The following UBR3 variants were observed in gnomAD, a reference collection of about 807,000 sequenced individuals.
The protein encoded by UBR3 is E3 ubiquitin-protein ligase UBR3.
Under a neutral mutation model 243.2 loss-of-function variants are expected in UBR3, and 85 were observed. The observed-to-expected ratio is 0.35, with a 90% CI of 0.29 to 0.42. The LOEUF (loss-of-function observed/expected upper bound fraction) is 0.42, where lower values mean the gene tolerates loss of function less well. Among genes scored for constraint, UBR3 ranks in the 10% least tolerant of loss-of-function variants. The pLI is 1.00. For missense variants in UBR3, 1,686 were observed against 2,300.8 expected, an observed-to-expected ratio of 0.73 and a Z score of 5.47; for synonymous variants, 748 against 799.8, an observed-to-expected ratio of 0.94 and a Z score of 1.09.
chr2:170,026,603 A>G (rs766082633), intron 30 of UBR3, among the ~76,000 whole-genome samples: 4 of 152,152 alleles, frequency 2.6e-5, no homozygotes, highest in Non-Finnish European at 4.4e-5. Context: ...TGCTTCCTAT[A>G]CATAGATTGA....
intron 33 of UBR3, among the ~76,000 whole-genome samples, chr2:170,056,888 C>T (rs936146994): frequency 1.3e-5 from 2 of 152,130 alleles, no homozygotes; most frequent in Non-Finnish European, 2.9e-5. Flanking sequence ...CAATCTCCTG[C>T]TACTAAATAG....
At chr2:170,071,250 C>G (rs1315046762) in intron 35 of UBR3, among the ~76,000 whole-genome samples, 1 of 152,156 alleles carries the variant, frequency 6.6e-6, no homozygotes, top group East Asian at 1.9e-4. Context: ...AAACATATGT[C>G]TACATTTAGA....
At chr2:170,023,759 A>G (rs927156024) in intron 30 of UBR3, among the ~76,000 whole-genome samples, 5 of 152,042 alleles carry the variant, frequency 3.3e-5, no homozygotes, top group Admixed American at 2.6e-4. Context: ...CACCTGGCTA[A>G]TTTTTGTATT....
chr2:169,942,562 T>C lies in UBR3; in HGVS notation c.2733T>C (p.Pro911=), dbSNP rs2086634608. The C allele has an allele frequency of 1.3e-6, 2 of 1,550,608 alleles. No individual in the cohort carries two copies. The highest frequency in any genetic ancestry group is 1.7e-6 in the Non-Finnish European group (2 of 1,146,722). Residue 911 remains proline (P), a synonymous_variant, in exon 20 of 39, where the codon CCT becomes CCC. Transcript: ENST00000272793. ...ATAAGAAAAGGACATCACTCCATCC[T>C]AGCTATAAAGGTCTTATGAGACTTT... ...PPYKKRTSLH[P]SYKGLMRLLH...
intron 22 of UBR3, 156 bp from the exon 23 acceptor site, chr2:169,949,449 A>T: frequency 1.6e-6 from 1 of 638,612 alleles, no homozygotes; most frequent in Non-Finnish European, 2.5e-6. Flanking sequence ...TTTGAGAGAG[A>T]GGTCAAGGGA....
At chr2:169,848,120 G>A (rs1219642175) in intron 1 of UBR3, among the ~76,000 whole-genome samples, 2 of 152,110 alleles carry the variant, frequency 1.3e-5, no homozygotes, top group East Asian at 1.9e-4. Context: ...ATATCATCAC[G>A]TCACTTGCTT....
intron 5 of UBR3, among the ~76,000 whole-genome samples, chr2:169,890,269 T>C (rs2084276637): frequency 6.6e-6 from 1 of 152,084 alleles, no homozygotes; most frequent in African/African-American, 2.4e-5. Context: ...AGAGGCGGGC[T>C]GCCTTCTTTG....
At chr2:169,938,274 CTTTT>C (rs113623124) in intron 19 of UBR3, among the ~76,000 whole-genome samples, 1 of 141,900 alleles carries the variant, frequency 7.0e-6, no homozygotes. Flanking sequence ...TTTCTTTCTC[CTTTT>C]TTTTTTTTTT....
chr2:169,859,704 A>C (rs1574065386), intron 1 of UBR3, among the ~76,000 whole-genome samples: 1 of 137,312 alleles, frequency 7.3e-6, no homozygotes, highest in Admixed American at 7.1e-5. Flanking sequence ...TATTTTATTT[A>C]TTTATTTATT....
At chr2:169,942,075 T>C (rs1453956298) in intron 19 of UBR3, among the ~76,000 whole-genome samples, 1 of 152,214 alleles carries the variant, frequency 6.6e-6, no homozygotes, top group Non-Finnish European at 1.5e-5. Flanking sequence ...AATTCCACTT[T>C]TGTGTGAGCT....
chr2:170,039,277 G>A (rs1197670077), intron 31 of UBR3, among the ~76,000 whole-genome samples: 1 of 152,112 alleles, frequency 6.6e-6, no homozygotes, highest in Non-Finnish European at 1.5e-5. Context: ...GGGTCTGTAA[G>A]ATAAGGATTT....
chr2:169,933,097 A>G, intron 19 of UBR3, 89 bp downstream of exon 19: 3 of 815,302 alleles, frequency 3.7e-6, no homozygotes, highest in Non-Finnish European at 5.6e-6. Flanking sequence ...ATATGCTCTC[A>G]TTAAAGTATA....
chr2:169,898,695 G>T (rs1454514106), intron 8 of UBR3, among the ~76,000 whole-genome samples: 5 of 138,104 alleles, frequency 3.6e-5, no homozygotes, highest in East Asian at 2.1e-4. Flanking sequence ...TAAAGATGGA[G>T]TTTCACTCTT....
intron 31 of UBR3, among the ~76,000 whole-genome samples, chr2:170,035,910 T>TTGGC (rs71006065): frequency 8.3e-5 from 10 of 120,438 alleles, no homozygotes; most frequent in South Asian, 3.2e-4. Flanking sequence ...AGTATTTTAT[T>TTGGC]GGGGGGGGGG....
At chr2:169,916,180 T>C (rs900873289) in intron 11 of UBR3, among the ~76,000 whole-genome samples, 1 of 152,130 alleles carries the variant, frequency 6.6e-6, no homozygotes, top group African/African-American at 2.4e-5. Flanking sequence ...TATTTGCATC[T>C]ATATTTTTCT....
At chr2:169,852,546 T>A (rs1377230491) in intron 1 of UBR3, among the ~76,000 whole-genome samples, 1 of 152,048 alleles carries the variant, frequency 6.6e-6, no homozygotes, top group African/African-American at 2.4e-5. Context: ...TATCTGGCTC[T>A]TTAAGGCAAA....
intron 36 of UBR3, chr2:170,078,276 T>C: frequency 2.6e-6 from 1 of 386,772 alleles, no homozygotes; most frequent in Non-Finnish European, 4.9e-6. Context: ...TGTAATTCAA[T>C]ATATTTGATC....
chr2:170,024,375 A>G (rs1469458692), intron 30 of UBR3, among the ~76,000 whole-genome samples: 1 of 147,878 alleles, frequency 6.8e-6, no homozygotes, highest in Admixed American at 6.7e-5. Context: ...AAAAAAAAAA[A>G]GAGAAAAGAA....
chr2:169,994,272 G>C, intron 25 of UBR3, 51 bp from the exon 26 acceptor site: 1 of 1,600,278 alleles, frequency 6.2e-7, no homozygotes. Context: ...GGAGTTACAG[G>C]TCTATGGCAC....
Sources: gnomAD v4.1 joint callset for allele counts (sites outside exome capture counted in the v4.1 genomes callset) on GRCh38, gnomAD v4.1.1 for gene constraint, MANE v1.5 for transcripts, NCBI Gene and HGNC (gene_info 2026-07-23, HGNC 2026-07-21) for gene names.